Variants in MORN1 observed in about 807,000 individuals in gnomAD.
MORN1 encodes the protein MORN repeat containing 1, also known as MORN repeat-containing protein 1.
MORN1 carries 67 observed loss-of-function variants against 61.9 expected under a neutral mutation model. The ratio of observed to expected loss-of-function variants is 1.08; its 90% confidence interval spans 0.89 to 1.33. The LOEUF is 1.33. MORN1 is among the 40% of genes most tolerant of loss of function. MORN1 has a pLI of 0.00. For missense variants in MORN1, 752 were observed against 691.2 expected (o/e 1.09, Z -0.99); for synonymous variants, 301 against 292.0 (o/e 1.03, Z -0.31).
At chr1:2,328,371 G>A (rs1230775744) in intron 12 of MORN1, among the ~76,000 whole-genome samples, 2 of 152,206 alleles carry the variant, frequency 1.3e-5, no homozygotes, top group African/African-American at 4.8e-5. Flanking sequence ...GCCATGCCTG[G>A]GAGTCAGAGA....
rs546723364 is a variant in MORN1, at chr1:2,368,183, C to T, written c.745+4298G>A. Among the ~76,000 whole-genome samples, 61 of 152,328 alleles carry T rather than the reference C, an allele frequency of 4.0e-4. No homozygotes were observed. The South Asian group carries it at 9.5e-3, about 24-fold the overall frequency. On this transcript the variant is annotated intron_variant, in intron 8 of 13. Transcript: ENST00000378531. ...GTCTAGAATATGTCAAGAACTCTTACGACATCTTGATGCAGAGCAGGTGAG... is the reference window on the plus strand; with the variant it reads ...GTCTAGAATATGTCAAGAACTCTTATGACATCTTGATGCAGAGCAGGTGAG...
rs750536562 is a variant in MORN1, at chr1:2,385,867, T to G, written c.389A>C (p.Gln130Pro). Residue 130 changes from glutamine to proline, a missense_variant, in exon 5 of 14, where the codon CAA becomes CCA. Coordinates refer to ENST00000378531, the MANE Select transcript of MORN1 (RefSeq NM_024848.3). ...GTCATGGAAGGAGCCCTGGTACACT[T>G]GTCCATCCCGGTCCACCAGAAACCC... ...GHGFLVDRDG[Q>P]VYQGSFHDNK... 22 of 1,613,816 alleles carry G rather than the reference T, an allele frequency of 1.4e-5. No individual in the cohort carries two copies. The highest frequency in any genetic ancestry group is 1.8e-5 in the Non-Finnish European group (21 of 1,180,012).
At chr1:2,323,222 C>G (rs993842467) in intron 13 of MORN1, 1 of 985,264 alleles carries the variant, frequency 1.0e-6, no homozygotes, top group Non-Finnish European at 1.2e-6. Flanking sequence ...GCTCCCGTCA[C>G]CAAGGCCTCA....
intron 12 of MORN1, 78 bp from the exon 13 acceptor site, chr1:2,324,221 G>A (rs1640947824): frequency 2.7e-6 from 4 of 1,456,502 alleles, no homozygotes; most frequent in Admixed American, 4.0e-5. Context: ...CTGAACCAGG[G>A]CTAGTGGCTC....
In MORN1 at chr1:2,384,920, C is replaced by T. The variant is rs1344295314; in HGVS notation, c.537+58G>A. 3 of 1,448,582 alleles carry T rather than the reference C, an allele frequency of 2.1e-6. No homozygotes were observed. The East Asian group carries it at 7.6e-5, about 36-fold the overall frequency. 89.7% of individuals were successfully genotyped at this position (1,448,582 alleles called of 1,614,324 possible). ...GAGGCTCCCCATACACCCCACGCGC[C>T]CTGCCCACCACGAGGCCTGTACCCT... On this transcript the variant is annotated intron_variant, in intron 6 of 13. Coordinates refer to ENST00000378531, the MANE Select transcript of MORN1 (RefSeq NM_024848.3).
Position 2,381,519 on chromosome 1 carries a change from C to CG in MORN1, c.537+3458dup. 2.0e-5 allele frequency among the ~76,000 whole-genome samples: 3 copies of CG among 152,240 alleles called. No individual in the cohort carries two copies. The South Asian group carries it at 6.2e-4, about 32-fold the overall frequency. On this transcript the variant is annotated intron_variant, in intron 6 of 13. Transcript: ENST00000378531. ...CACGGGCCTGCCTGGGGAGGGTGTGCGGGCCTCGGTTGGCAGGCGGTCCCA... is the reference window on the plus strand; with the variant it reads ...CACGGGCCTGCCTGGGGAGGGTGTGCGGGGCCTCGGTTGGCAGGCGGTCCCA...
chr1:2,336,570 A>T, intron 11 of MORN1, 22 bp from the exon 12 acceptor site: 2 of 1,611,506 alleles, frequency 1.2e-6, no homozygotes, highest in Non-Finnish European at 1.7e-6. Flanking sequence ...GGGCAGGAGG[A>T]GGGGAGAAGG....
chr1:2,336,864 A>G lies in MORN1; in HGVS notation c.1037-14T>C. 1.3e-6 allele frequency: 2 copies of G among 1,548,920 alleles called. No homozygotes were observed. Among genetic ancestry groups the G allele is most frequent in the Non-Finnish European group, 1.7e-6 (2 of 1,150,406 alleles). ...CATGTCCCCTGGCTGAGGAGACAGA[A>G]TGAAGAAAGACCCTATGAGGGGCTC... On this transcript the variant is annotated splice_polypyrimidine_tract_variant and intron_variant, in intron 10 of 13. Coordinates refer to ENST00000378531, the MANE Select transcript of MORN1 (RefSeq NM_024848.3).
chr1:2,328,671 G>T (rs1641085542), intron 12 of MORN1, among the ~76,000 whole-genome samples: 1 of 152,198 alleles, frequency 6.6e-6, no homozygotes, highest in South Asian at 2.1e-4. Context: ...GGCCAGCTTG[G>T]AAACTGTTGT....
chr1:2,385,730 C>A (rs533304616), intron 5 of MORN1, 77 bp downstream of exon 5: 2 of 1,377,684 alleles, frequency 1.5e-6, no homozygotes, highest in East Asian at 2.3e-5. Flanking sequence ...CCTGTCTACA[C>A]CCCCAGGCCA....
At chr1:2,343,614 G>A (rs568364276) in intron 10 of MORN1, among the ~76,000 whole-genome samples, 10 of 152,300 alleles carry the variant, frequency 6.6e-5, no homozygotes, top group African/African-American at 2.4e-4. Flanking sequence ...ATTCCCACGA[G>A]CTGTTCTGAA....
intron 10 of MORN1, among the ~76,000 whole-genome samples, chr1:2,340,894 G>A (rs1033284560): frequency 1.5e-4 from 23 of 152,172 alleles, no homozygotes; most frequent in Non-Finnish European, 2.8e-4. Flanking sequence ...CCACACAGAC[G>A]GCCACATAGG....
chr1:2,364,143 A>G (rs1641953250), intron 8 of MORN1, among the ~76,000 whole-genome samples: 1 of 152,176 alleles, frequency 6.6e-6, no homozygotes, highest in South Asian at 2.1e-4. Context: ...AAAGAAATAA[A>G]AAGTGACCAT....
At chr1:2,350,282 A>G (rs1641615534) in intron 10 of MORN1, 1 of 152,252 alleles carries the variant, frequency 6.6e-6, no homozygotes, top group Non-Finnish European at 1.5e-5. Context: ...TTTTCTTCTC[A>G]ACGAAATGCA....
At chr1:2,380,747 G>A (rs1046310085) in intron 6 of MORN1, among the ~76,000 whole-genome samples, 13 of 152,192 alleles carry the variant, frequency 8.5e-5, no homozygotes, top group African/African-American at 2.9e-4. Flanking sequence ...GTAGAGACAG[G>A]GTCTCCCTGT....
At position 2,374,535 on chromosome 1, in the gene MORN1, A is replaced by C. The variant is rs1376477423; in HGVS notation, c.560T>G (p.Phe187Cys). ...TYKGQWHSDV[F>C]SGLGSMAHCS... ...GTGGGCCATGCTGCCCAGTCCACTGAAGACGTCGCTGTGCCACTGTCCCTG... is the reference window on the plus strand; with the variant it reads ...GTGGGCCATGCTGCCCAGTCCACTGCAGACGTCGCTGTGCCACTGTCCCTG... Residue 187 changes from phenylalanine (F) to cysteine (C), a missense_variant, in exon 7 of 14, where the codon TTC becomes TGC. Physicochemically the swap from Phe to Cys is radical, Grantham distance 205 (BLOSUM62 -2). Transcript: ENST00000378531. The C allele has an allele frequency of 6.3e-7, 1 of 1,599,166 alleles. No individual in the cohort carries two copies. The highest frequency in any genetic ancestry group is 1.1e-5 in the South Asian group (1 of 87,854).
Position 2,372,274 on chromosome 1 carries a change from C to T in MORN1, c.745+207G>A. 1.8e-6 allele frequency: 1 copy of T among 556,096 alleles called. No individual in the cohort carries two copies. The highest frequency in any genetic ancestry group is 1.9e-5 in the African/African-American group (1 of 52,858). The allele number at this position is 556,096 out of a possible 1,614,324, so 34.4% of individuals were successfully genotyped here. A position where few individuals can be genotyped will look rare whatever the true frequency, so the allele number is the denominator to read the frequency against. The stretch of plus-strand genomic sequence containing the variant: ...GAGCACGCACATCACACAATATGTG[C>T]ACACATGCTTGCACACACACCCAAG... On this transcript the variant is annotated intron_variant, in intron 8 of 13. Coordinates refer to ENST00000378531, the MANE Select transcript of MORN1 (RefSeq NM_024848.3). This position sits in a 1 kb window ranked among gnomAD's most constrained non-coding sequence, Gnocchi z 5.4.
At chr1:2,336,446 C>T in intron 12 of MORN1, 23 bp downstream of exon 12, 1 of 1,607,128 alleles carries the variant, frequency 6.2e-7, no homozygotes, top group Non-Finnish European at 8.5e-7. Context: ...CGAACACCTG[C>T]AGGTGGGGTG....
At chr1:2,347,799 C>T (rs1009826507) in intron 10 of MORN1, among the ~76,000 whole-genome samples, 1 of 152,186 alleles carries the variant, frequency 6.6e-6, no homozygotes, top group Non-Finnish European at 1.5e-5. Flanking sequence ...CCCTGCGTGC[C>T]GGGTGCACAG....
Sources: allele counts gnomAD v4.1 joint callset (sites outside exome capture counted in the v4.1 genomes callset), GRCh38; gene constraint gnomAD v4.1.1; non-coding constraint Gnocchi (gnomAD v3.1); transcripts MANE v1.5; gene names NCBI Gene and HGNC (gene_info 2026-07-23, HGNC 2026-07-21).